Variants in GABRG3 observed in about 807,000 individuals in gnomAD.
GABRG3 encodes the protein gamma-aminobutyric acid receptor subunit gamma-3.
A neutral mutation model predicts 48.8 loss-of-function variants in GABRG3; 25 were observed. The ratio of observed to expected loss-of-function variants is 0.51; its 90% CI spans 0.37 to 0.72. The LOEUF (loss-of-function observed/expected upper bound fraction) is 0.72, where lower values mean the gene tolerates loss of function less well. Among genes scored for constraint, GABRG3 ranks in the 30% least tolerant of loss-of-function variants. GABRG3 has a pLI of 0.00. For missense variants in GABRG3, 394 were observed against 577.9 expected, an observed-to-expected ratio of 0.68 and a Z score of 3.26; for synonymous variants, 227 against 217.6, an observed-to-expected ratio of 1.04 and a Z score of -0.38.
intron 7 of GABRG3, among the ~76,000 whole-genome samples, chr15:27,520,543 T>C (rs138255232): frequency 2.7e-5 from 4 of 150,056 alleles, no homozygotes; most frequent in African/African-American, 9.9e-5. Flanking sequence ...TGCTTGTATA[T>C]AGCAACTTTA....
At chr15:27,311,215 G>A (rs1892980446) in intron 3 of GABRG3, among the ~76,000 whole-genome samples, 1 of 152,098 alleles carries the variant, frequency 6.6e-6, no homozygotes, top group Non-Finnish European at 1.5e-5. Flanking sequence ...AACTAGCTGA[G>A]AGGCTTCTGC....
intron 3 of GABRG3, among the ~76,000 whole-genome samples, chr15:27,318,201 G>T (rs1323962941): frequency 6.6e-6 from 1 of 152,118 alleles, no homozygotes; most frequent in Non-Finnish European, 1.5e-5. Flanking sequence ...GAGACTGTGT[G>T]TTTAAATATT....
chr15:27,138,174 A>G (rs1898042425), intron 3 of GABRG3, among the ~76,000 whole-genome samples: 1 of 152,224 alleles, frequency 6.6e-6, no homozygotes, highest in Admixed American at 6.5e-5. Flanking sequence ...CCTGTAGTTC[A>G]GAATAATCTG....
intron 3 of GABRG3, among the ~76,000 whole-genome samples, chr15:27,144,161 G>C (rs1232422313): frequency 6.6e-6 from 1 of 152,192 alleles, no homozygotes; most frequent in Non-Finnish European, 1.5e-5. Flanking sequence ...CTAAAGGCTT[G>C]CAATAATCTA....
chr15:27,406,539 G>GC (rs1290490594), intron 5 of GABRG3, among the ~76,000 whole-genome samples: 1 of 152,134 alleles, frequency 6.6e-6, no homozygotes, highest in Non-Finnish European at 1.5e-5. Context: ...CACATGTTTA[G>GC]CCACAAGAAA....
intron 3 of GABRG3, among the ~76,000 whole-genome samples, chr15:27,283,332 G>T (rs147304743): frequency 6.6e-6 from 1 of 152,282 alleles, no homozygotes; most frequent in African/African-American, 2.4e-5. Context: ...GGCCGGGCAC[G>T]GTGGCTCATG....
chr15:27,058,337 T>G (rs978358458), intron 3 of GABRG3, among the ~76,000 whole-genome samples: 1 of 152,222 alleles, frequency 6.6e-6, no homozygotes, highest in Non-Finnish European at 1.5e-5. Context: ...GAATTACAGA[T>G]GGCAGAGCCT....
intron 3 of GABRG3, among the ~76,000 whole-genome samples, chr15:27,313,240 A>ATATATGTG (rs1218660438): frequency 1.8e-5 from 1 of 56,892 alleles, no homozygotes; most frequent in South Asian, 5.4e-4. Context: ...ATATGTATAT[A>ATATATGTG]TGTGTGTGTG....
intron 2 of GABRG3, among the ~76,000 whole-genome samples, chr15:27,016,105 A>G (rs1349190275): frequency 2.6e-5 from 4 of 152,086 alleles, no homozygotes; most frequent in East Asian, 1.9e-4. Flanking sequence ...ATATATTTAT[A>G]TGGCTTAATG....
At position 27,266,283 on chromosome 15, in the gene GABRG3, C is replaced by CTT. The variant is rs34916456; in HGVS notation, c.271-60518_271-60517dup. ...GCAATATGAAGTATGGATTGGAATT[C>CTT]TTTTTTTTTCTGCTTATGGATATCC... is the stretch of plus-strand genomic sequence containing the variant. On this transcript the variant is annotated intron_variant, in intron 3 of 9. Transcript: ENST00000615808. Among the ~76,000 whole-genome samples the CTT allele has an allele frequency of 1.2e-3, 187 of 150,872 alleles. 2 individuals carry two copies. In the South Asian group the frequency reaches 0.013, roughly 11 times the overall value.
intron 5 of GABRG3, among the ~76,000 whole-genome samples, chr15:27,375,491 C>T (rs554299129): frequency 1.3e-5 from 2 of 152,154 alleles, no homozygotes; most frequent in South Asian, 2.1e-4. Context: ...GGCCTGGGGC[C>T]ATGTATTAGT....
intron 3 of GABRG3, among the ~76,000 whole-genome samples, chr15:27,088,130 C>T (rs1897114360): frequency 1.4e-5 from 2 of 139,956 alleles, no homozygotes; most frequent in Non-Finnish European, 1.6e-5. Flanking sequence ...TGTGTGTGCA[C>T]GCATGTGTGT....
intron 5 of GABRG3, among the ~76,000 whole-genome samples, chr15:27,440,376 A>C (rs1026197295): frequency 6.6e-6 from 1 of 152,088 alleles, no homozygotes; most frequent in African/African-American, 2.4e-5. Context: ...TCATCAGTGA[A>C]CCTTTTTTCT....
At chr15:27,308,254 A>C (rs926133090) in intron 3 of GABRG3, among the ~76,000 whole-genome samples, 3 of 110,956 alleles carry the variant, frequency 2.7e-5, no homozygotes, top group Non-Finnish European at 5.7e-5. Context: ...ATATAAACAT[A>C]CGTTTATATA....
At chr15:27,365,165 G>T (rs1164743091) in intron 5 of GABRG3, 4 of 152,088 alleles carry the variant, frequency 2.6e-5, no homozygotes, top group African/African-American at 7.2e-5. Flanking sequence ...CCCAAAGCCA[G>T]AAATTTTTAT....
At chr15:27,176,954 A>G (rs1348656548) in intron 3 of GABRG3, among the ~76,000 whole-genome samples, 3 of 152,184 alleles carry the variant, frequency 2.0e-5, no homozygotes, top group South Asian at 2.1e-4. Flanking sequence ...TAGAAAAGCC[A>G]ATACACTGAG....
At chr15:26,982,367 A>G (rs114254575) in intron 2 of GABRG3, among the ~76,000 whole-genome samples, 1,554 of 152,304 alleles carry the variant, frequency 0.01, 34 homozygotes, top group African/African-American at 0.036. Context: ...TCATGGTGTC[A>G]CTGGGCACCA....
intron 2 of GABRG3, among the ~76,000 whole-genome samples, chr15:27,013,635 A>G (rs148936185): frequency 6.1e-4 from 93 of 152,094 alleles, no homozygotes; most frequent in African/African-American, 2.0e-3. Flanking sequence ...TCCTTTTCTC[A>G]TTTTGTAGTC....
intron 3 of GABRG3, among the ~76,000 whole-genome samples, chr15:27,308,368 T>TAC (rs1183767134): frequency 4.9e-5 from 7 of 144,250 alleles, no homozygotes; most frequent in African/African-American, 1.8e-4. Flanking sequence ...TATATAAACA[T>TAC]ATAAACATTT....
Sources: gnomAD v4.1 joint callset for allele counts (sites outside exome capture counted in the v4.1 genomes callset) on GRCh38, gnomAD v4.1.1 for gene constraint, MANE v1.5 for transcripts, NCBI Gene and HGNC (gene_info 2026-07-23, HGNC 2026-07-21) for gene names.